Variants in SUGCT observed in about 807,000 individuals in gnomAD.
The protein encoded by SUGCT is succinyl-CoA:glutarate-CoA transferase, also known as succinyl-CoA:glutarate CoA-transferase.
In SUGCT, 41 loss-of-function variants were observed where a neutral mutation model predicts 55.0. That is an observed-to-expected ratio of 0.74 (90% CI 0.58 to 0.97). SUGCT has a LOEUF of 0.97. Among genes scored for constraint, SUGCT ranks in the 50% least tolerant of loss-of-function variants. SUGCT has a pLI of 0.00. For synonymous variants in SUGCT, 187 were observed against 200.4 expected (o/e 0.93, Z 0.56); for missense variants, 568 against 547.8 (o/e 1.04, Z -0.37).
At chr7:40,428,297 A>G (rs1438140308) in intron 9 of SUGCT, among the ~76,000 whole-genome samples, 1 of 152,158 alleles carries the variant, frequency 6.6e-6, no homozygotes, top group Non-Finnish European at 1.5e-5. Context: ...TAGACGGCAT[A>G]TAGTTGGATT....
chr7:40,878,433 C>A, the SUGCT span, among the ~76,000 whole-genome samples: 1 of 152,092 alleles, frequency 6.6e-6, no homozygotes, highest in Non-Finnish European at 1.5e-5. Flanking sequence ...TTGGACAGGG[C>A]TGATTGTCTG....
chr7:40,710,415 C>T (rs1278906406), intron 12 of SUGCT, among the ~76,000 whole-genome samples: 18 of 152,052 alleles, frequency 1.2e-4, no homozygotes, highest in Admixed American at 1.2e-3. Flanking sequence ...ACAACCCCAG[C>T]CTCTGTTTTA....
At chr7:40,237,845 G>GT (rs1789114755) in intron 7 of SUGCT, 119 bp downstream of exon 7, 2 of 702,096 alleles carry the variant, frequency 2.8e-6, no homozygotes, top group Non-Finnish European at 4.6e-6. Context: ...AGTAATTGCT[G>GT]TTTTTGCCAT....
At chr7:40,160,023 C>G (rs1374481756) in intron 1 of SUGCT, among the ~76,000 whole-genome samples, 1 of 152,152 alleles carries the variant, frequency 6.6e-6, no homozygotes, top group South Asian at 2.1e-4. Context: ...AGAACATAAG[C>G]AGCCTCTGCA....
the SUGCT span, among the ~76,000 whole-genome samples, chr7:40,983,727 A>G: frequency 6.6e-6 from 1 of 152,234 alleles, no homozygotes; most frequent in African/African-American, 2.4e-5. Flanking sequence ...TGCTCTGTCT[A>G]TGAACATAGA....
intron 8 of SUGCT, among the ~76,000 whole-genome samples, chr7:40,315,797 G>A (rs1795396504): frequency 6.6e-6 from 1 of 152,176 alleles, no homozygotes. Context: ...GCTATATCAT[G>A]ATTATGTCAT....
chr7:40,772,744 C>T (rs1789239899), intron 13 of SUGCT, among the ~76,000 whole-genome samples: 1 of 152,162 alleles, frequency 6.6e-6, no homozygotes, highest in African/African-American at 2.4e-5. Context: ...GATCCTCCCA[C>T]CTCAGCCCCC....
chr7:40,624,403 T>G (rs1032978875), intron 12 of SUGCT, among the ~76,000 whole-genome samples: 1 of 152,208 alleles, frequency 6.6e-6, no homozygotes, highest in Non-Finnish European at 1.5e-5. Flanking sequence ...CTAGTCCTTT[T>G]TACAGTACTT....
intron 1 of SUGCT, among the ~76,000 whole-genome samples, chr7:40,178,445 C>G (rs1010876124): frequency 6.6e-6 from 1 of 152,086 alleles, no homozygotes; most frequent in African/African-American, 2.4e-5. Context: ...TTTTGAAAAC[C>G]TGTGTGACTA....
At chr7:40,907,016 T>C in the SUGCT span, among the ~76,000 whole-genome samples, 1 of 152,092 alleles carries the variant, frequency 6.6e-6, no homozygotes, top group African/African-American at 2.4e-5. Flanking sequence ...CTTCTTTGTC[T>C]CCATAATAGG....
chr7:40,548,300 C>T lies in SUGCT; in HGVS notation c.1089+51914C>T, dbSNP rs556375979. Among the ~76,000 whole-genome samples the T allele has an allele frequency of 1.9e-4, 29 of 151,212 alleles. No individual in the cohort carries two copies. The South Asian group carries it at 6.1e-3, about 32-fold the overall frequency. On this transcript the variant is annotated intron_variant, in intron 12 of 13. Coordinates refer to ENST00000335693, the MANE Select transcript of SUGCT (RefSeq NM_001193313.2). ...AACTCATGGGCTCAAATGCTCCTCC[C>T]CGCTAAACTGTCTGAATAGCTGGAA...
intron 11 of SUGCT, among the ~76,000 whole-genome samples, chr7:40,471,455 A>G (rs192779726): frequency 1.8e-4 from 28 of 152,208 alleles, no homozygotes; most frequent in Admixed American, 1.4e-3. Context: ...TCAAAATGTA[A>G]TGAAGAAGAG....
chr7:40,898,719 A>G, the SUGCT span, among the ~76,000 whole-genome samples: 1 of 151,960 alleles, frequency 6.6e-6, no homozygotes, highest in Non-Finnish European at 1.5e-5. Context: ...ATGAACACTT[A>G]CCACGAGGGT....
chr7:40,898,706 A>G, the SUGCT span, among the ~76,000 whole-genome samples: 2 of 152,126 alleles, frequency 1.3e-5, no homozygotes, highest in South Asian at 4.2e-4. Flanking sequence ...CTAAAAAAAA[A>G]AAATGAACAC....
At chr7:40,645,358 G>C (rs1800450552) in intron 12 of SUGCT, among the ~76,000 whole-genome samples, 1 of 152,184 alleles carries the variant, frequency 6.6e-6, no homozygotes, top group Non-Finnish European at 1.5e-5. Flanking sequence ...CTCCCAGGCT[G>C]GAATGTGGTG....
At chr7:40,760,451 GCCAGT>G in intron 13 of SUGCT, among the ~76,000 whole-genome samples, 1 of 152,040 alleles carries the variant, frequency 6.6e-6, no homozygotes, top group East Asian at 1.9e-4. Flanking sequence ...GAGGGGTATG[GCCAGT>G]TAGTGTTTAC....
intron 11 of SUGCT, among the ~76,000 whole-genome samples, chr7:40,470,779 CTG>C (rs1790365881): frequency 6.6e-6 from 1 of 151,130 alleles, no homozygotes; most frequent in African/African-American, 2.4e-5. Flanking sequence ...CTCTCTCTCT[CTG>C]TCTTTCTCTC....
chr7:40,530,620 C>A (rs1794034059), intron 12 of SUGCT, among the ~76,000 whole-genome samples: 2 of 152,160 alleles, frequency 1.3e-5, no homozygotes, highest in African/African-American at 4.8e-5. Flanking sequence ...ATGTGAGATT[C>A]ATTTGATGAT....
intron 9 of SUGCT, among the ~76,000 whole-genome samples, chr7:40,422,109 C>T (rs1448024845): frequency 3.4e-5 from 5 of 145,122 alleles, no homozygotes; most frequent in South Asian, 2.2e-4. Context: ...TCCAAAATCT[C>T]GTGGAACACA....
Sources: gnomAD v4.1 joint callset for allele counts (sites outside exome capture counted in the v4.1 genomes callset) on GRCh38, gnomAD v4.1.1 for gene constraint, MANE v1.5 for transcripts, NCBI Gene and HGNC (gene_info 2026-07-23, HGNC 2026-07-21) for gene names.